UNKL: variants seen among roughly 807,000 people sequenced by gnomAD.
UNKL encodes unk like zinc finger.
UNKL carries 60 observed loss-of-function variants against 78.0 expected under a neutral mutation model. That is an observed-to-expected ratio of 0.77 (90% confidence interval 0.63 to 0.95). The LOEUF is 0.95. UNKL is among the 40% of genes least tolerant of loss of function. The probability of loss-of-function intolerance (pLI) is 0.00; values close to 1 mark genes in which losing one functional copy is unlikely to be tolerated. For missense variants in UNKL, 1,159 were observed against 1,045.7 expected (o/e 1.11, Z -1.49); for synonymous variants, 608 against 474.8 (o/e 1.28, Z -3.65).
chr16:1,403,834 GC>G lies in UNKL; in HGVS notation c.288-491del, dbSNP rs2142224055. Among the ~76,000 whole-genome samples the G allele has an allele frequency of 6.6e-6, 1 of 152,274 alleles. No homozygotes were observed. The highest frequency in any genetic ancestry group is 2.4e-5 in the African/African-American group (1 of 41,564). ...AGGTAGGGGAGGGAACAAGCACAGG[GC>G]CCTGGACGCGGCTTGGGGGACACGA... On this transcript the variant is annotated intron_variant, in intron 2 of 14. Coordinates refer to ENST00000389221, the MANE Select transcript of UNKL (RefSeq NM_001372107.1). This position sits in a 1 kb window ranked among gnomAD's most constrained non-coding sequence, Gnocchi z 4.8.
rs1008885941 is a variant in UNKL at position 1,403,778 on chromosome 16, C to T, written c.288-434G>A. 1.3e-5 allele frequency among the ~76,000 whole-genome samples: 2 copies of T among 152,188 alleles called. No homozygotes were observed. The highest frequency in any genetic ancestry group is 4.8e-5 in the African/African-American group (2 of 41,444). ...CAAAGTGGGGGCCCCTCCTGCCCAG[C>T]GTCCTGCTGCTTTCAGGGACCCCAG... On this transcript the variant is annotated intron_variant, in intron 2 of 14. Coordinates refer to ENST00000389221, the MANE Select transcript of UNKL (RefSeq NM_001372107.1). The surrounding 1 kb of genome is among the most constrained non-coding windows in gnomAD (Gnocchi z 4.8).
chr16:1,370,035 G>A (rs1256613712), intron 12 of UNKL, 95 bp downstream of exon 12: 140 of 1,551,038 alleles, frequency 9.0e-5, no homozygotes, highest in Non-Finnish European at 1.2e-4. Context: ...TAGGGCACAA[G>A]GTTCCGTGTG....
intron 6 of UNKL, chr16:1,394,633 C>T: frequency 2.4e-6 from 1 of 412,692 alleles, no homozygotes; most frequent in Non-Finnish European, 4.9e-6. Flanking sequence ...ATGAGGTCAA[C>T]AACACTTAAG....
At chr16:1,371,159 C>T (rs1316905378) in intron 11 of UNKL, among the ~76,000 whole-genome samples, 1 of 151,808 alleles carries the variant, frequency 6.6e-6, no homozygotes, top group Non-Finnish European at 1.5e-5. Context: ...ATTTATCCTT[C>T]GGGGACCATC....
At chr16:1,410,942 A>C (rs1306501734) in intron 2 of UNKL, among the ~76,000 whole-genome samples, 1 of 152,216 alleles carries the variant, frequency 6.6e-6, no homozygotes, top group African/African-American at 2.4e-5. Context: ...TGCCTTAACA[A>C]CACTATGGCC....
chr16:1,399,608 A>T lies in UNKL; in HGVS notation c.599-99T>A, dbSNP rs928157113. On this transcript the variant is annotated intron_variant, in intron 4 of 14. Transcript: ENST00000389221. The surrounding 1 kb of genome is among the most constrained non-coding windows in gnomAD (Gnocchi z 5.8). ...AGGACCTGGCTGTCCCCCAAATGGA[A>T]GGGGCTGCAGGAGGACTTGGGGAGC... 11 of 1,512,744 alleles carry T rather than the reference A, an allele frequency of 7.3e-6. No homozygotes were observed. The highest frequency in any genetic ancestry group is 6.1e-5 in the Admixed American group (3 of 49,276). The allele number at this position is 1,512,744 out of a possible 1,614,324, so 93.7% of individuals were successfully genotyped here.
At chr16:1,369,903 A>T in intron 12 of UNKL, 1 of 1,520,642 alleles carries the variant, frequency 6.6e-7, no homozygotes, top group Non-Finnish European at 8.9e-7. Context: ...TGAACCTGGG[A>T]GGCGGAGGTT....
intron 10 of UNKL, among the ~76,000 whole-genome samples, chr16:1,383,236 C>T (rs1291933084): frequency 6.8e-6 from 1 of 146,120 alleles, no homozygotes; most frequent in African/African-American, 2.5e-5. Context: ...CACGCCACTG[C>T]ACTCCAGCCT....
rs372785405 is a variant in UNKL, at chr16:1,401,718, C to A, written c.465-17G>T. On this transcript the variant is annotated splice_polypyrimidine_tract_variant and intron_variant, in intron 3 of 14. Coordinates refer to ENST00000389221, the MANE Select transcript of UNKL (RefSeq NM_001372107.1). Reference sequence around the variant, plus strand: ...TGCAGCTCCCTGCAAGCCGAGGACACAGTGGTCACAGCTCTGCATCTGGAG... The same window carrying A: ...TGCAGCTCCCTGCAAGCCGAGGACAAAGTGGTCACAGCTCTGCATCTGGAG... 2.6e-5 allele frequency: 41 copies of A among 1,601,538 alleles called. No individual in the cohort carries two copies. The highest frequency in any genetic ancestry group is 3.3e-5 in the Admixed American group (2 of 59,722).
Position 1,403,138 on chromosome 16 carries a change from C to A in UNKL, c.464+30G>T, listed in dbSNP as rs982805179. 6.3e-7 allele frequency: 1 copy of A among 1,590,928 alleles called. No homozygotes were observed. Among genetic ancestry groups the A allele is most frequent in the Non-Finnish European group, 8.6e-7 (1 of 1,168,470 alleles). ...AGCAGAGCCCACAGCAGCAGGCAGGCCAAGTGCCCACTCGTGGATGCCCAC... is the reference window on the plus strand; with the variant it reads ...AGCAGAGCCCACAGCAGCAGGCAGGACAAGTGCCCACTCGTGGATGCCCAC... On this transcript the variant is annotated intron_variant, in intron 3 of 14. Coordinates refer to ENST00000389221, the MANE Select transcript of UNKL (RefSeq NM_001372107.1). The surrounding 1 kb of genome is among the most constrained non-coding windows in gnomAD (Gnocchi z 4.8).
rs1361130950 is a variant in UNKL at position 1,363,215 on chromosome 16, G to C, written c.*3025C>G. 6.2e-6 allele frequency: 5 copies of C among 807,030 alleles called. No homozygotes were observed. The highest frequency in any genetic ancestry group is 1.0e-5 in the Non-Finnish European group (5 of 481,750). The allele number at this position is 807,030 out of a possible 1,614,324, so 50.0% of individuals were successfully genotyped here. ...AGAAGCAGACAAAACAAAGATTCAA[G>C]GTTTTAATTAATTCCCATACTGATA... On this transcript the variant is annotated 3_prime_UTR_variant, in exon 15 of 15. Transcript: ENST00000389221.
In UNKL at chr16:1,413,918, G is replaced by A. The variant is rs1268091158; in HGVS notation, c.215C>T (p.Thr72Ile). The change falls in exon 2 of 15, where the codon ACC (threonine) becomes ATC (isoleucine). Residue 72 changes from threonine to isoleucine, a missense_variant. Coordinates refer to ENST00000389221, the MANE Select transcript of UNKL (RefSeq NM_001372107.1). ...GTACACGTCGGGGCTGTAGTTGAAGGTGCCGTCGCGCCTGCGGAGGGGCCT... is the reference window on the plus strand; with the variant it reads ...GTACACGTCGGGGCTGTAGTTGAAGATGCCGTCGCGCCTGCGGAGGGGCCT... The part of the protein sequence containing the change: ...RRRPLRRRDG[T>I]FNYSPDVYCS... 6.4e-7 allele frequency: 1 copy of A among 1,558,550 alleles called. No individual in the cohort carries two copies. Among genetic ancestry groups the A allele is most frequent in the Non-Finnish European group, 8.7e-7 (1 of 1,151,338 alleles).
intron 12 of UNKL, among the ~76,000 whole-genome samples, chr16:1,368,986 A>T (rs2035545401): frequency 6.7e-6 from 1 of 149,776 alleles, no homozygotes; most frequent in Non-Finnish European, 1.5e-5. Flanking sequence ...GCCTCAAGTG[A>T]CCACCCACCT....
chr16:1,366,585 GCT>G (rs1345111332), intron 14 of UNKL, among the ~76,000 whole-genome samples, 190 bp from the exon 15 acceptor site: 1 of 152,218 alleles, frequency 6.6e-6, no homozygotes, highest in Admixed American at 6.5e-5. Flanking sequence ...CAGGGGGTAT[GCT>G]CTGTCTTAAG....
chr16:1,401,527 G>GCCCC (rs200363242), intron 4 of UNKL, 41 bp downstream of exon 4: 31 of 1,405,874 alleles, frequency 2.2e-5, no homozygotes, highest in South Asian at 8.7e-5. Context: ...CGCTGTGCCC[G>GCCCC]CCCCCCCCAC....
rs1040171681 is a variant in UNKL at position 1,366,734 on chromosome 16, G to A, written c.2047-339C>T. Among the ~76,000 whole-genome samples, 9 of 152,328 alleles carry A rather than the reference G, an allele frequency of 5.9e-5. No homozygotes were observed. The East Asian group carries it at 1.7e-3, about 29-fold the overall frequency. ...CTGTCCTATAGCAGCGAGTCCAAGAGCCCACCCTTAGCAGGCGAGGTGAGG... is the reference window on the plus strand; with the variant it reads ...CTGTCCTATAGCAGCGAGTCCAAGAACCCACCCTTAGCAGGCGAGGTGAGG... On this transcript the variant is annotated intron_variant, in intron 14 of 14. Transcript: ENST00000389221.
In UNKL at chr16:1,392,912, C is replaced by A; in HGVS notation, c.1002G>T (p.Thr334=). The change falls in exon 8 of 15, where the codon ACG becomes ACT. Residue 334 remains threonine (T), a synonymous_variant. Transcript: ENST00000389221. The part of the protein sequence containing the change: ...HDLHLTSPSS[T]GSGQPGNAKR... ...TTACATTTCCCGGCTGGCCGCTGCC[C>A]GTGGAGGAAGGACTCGTGAGGTGGA... 6.4e-7 allele frequency: 1 copy of A among 1,550,590 alleles called. No individual in the cohort carries two copies. Among genetic ancestry groups the A allele is most frequent in the East Asian group, 2.4e-5 (1 of 40,932 alleles).
intron 2 of UNKL, among the ~76,000 whole-genome samples, chr16:1,407,888 C>G (rs180859955): frequency 1.5e-3 from 222 of 152,164 alleles, no homozygotes; most frequent in African/African-American, 5.3e-3. Flanking sequence ...CTGCAGGCCA[C>G]GTGTATTTTT....
At chr16:1,388,542 G>A (rs2036912800) in intron 9 of UNKL, among the ~76,000 whole-genome samples, 1 of 152,106 alleles carries the variant, frequency 6.6e-6, no homozygotes, top group Non-Finnish European at 1.5e-5. Context: ...GCTGGCCAGG[G>A]TGATGCGCAC....
Sources: gnomAD v4.1 joint callset for allele counts (sites outside exome capture counted in the v4.1 genomes callset) on GRCh38, gnomAD v4.1.1 for gene constraint, Gnocchi (gnomAD v3.1) non-coding constraint, MANE v1.5 for transcripts, NCBI Gene and HGNC (gene_info 2026-07-23, HGNC 2026-07-21) for gene names.